PKD1L1: variants seen among roughly 807,000 people sequenced by gnomAD.
The protein encoded by PKD1L1 is polycystin 1 like 1, transient receptor potential channel interacting.
A neutral mutation model predicts 323.4 loss-of-function variants in PKD1L1; 236 were observed. That is an observed-to-expected ratio of 0.73 (90% CI 0.66 to 0.81). PKD1L1 has a LOEUF of 0.81. Among genes scored for constraint, PKD1L1 ranks in the 40% least tolerant of loss-of-function variants. The pLI, the probability that PKD1L1 is intolerant of heterozygous loss-of-function variation, is 0.00. For synonymous variants in PKD1L1, 1,344 were observed against 1,335.0 expected (o/e 1.01, Z -0.15); for missense variants, 3,320 against 3,508.0 (o/e 0.95, Z 1.35).
rs10951934 is a variant in PKD1L1, at chr7:47,877,897, T to C, written c.3521-266A>G. 0.2 allele frequency among the ~76,000 whole-genome samples: 29,627 copies of C among 151,892 alleles called. 3,111 individuals carry two copies. The highest frequency in any genetic ancestry group is 0.25 in the African/African-American group (10,178 of 41,380). ...TCTGGGGTTTGAGAACCACTGCCTA[T>C]ATGTTCATTAATATAACAAACACTC... On this transcript the variant is annotated intron_variant, in intron 21 of 56. Transcript: ENST00000289672.
intron 20 of PKD1L1, 61 bp downstream of exon 20, chr7:47,881,848 G>A (rs928324224): frequency 2.1e-6 from 3 of 1,459,142 alleles, no homozygotes; most frequent in African/African-American, 1.4e-5. Context: ...GAAATTGAGG[G>A]CTGATATCTA....
intron 31 of PKD1L1, among the ~76,000 whole-genome samples, chr7:47,848,731 G>C (rs1466148036): frequency 6.6e-6 from 1 of 152,210 alleles, no homozygotes; most frequent in Admixed American, 6.5e-5. Context: ...CTTGAACCCA[G>C]GAGGTGAAGG....
intron 20 of PKD1L1, among the ~76,000 whole-genome samples, chr7:47,881,464 C>A (rs1453209077): frequency 1.3e-5 from 2 of 152,180 alleles, no homozygotes; most frequent in African/African-American, 4.8e-5. Context: ...GGCACAATCA[C>A]ATGTATTAAC....
chr7:47,863,572 T>TC (rs1055148767), intron 26 of PKD1L1, among the ~76,000 whole-genome samples: 49 of 151,860 alleles, frequency 3.2e-4, no homozygotes, highest in South Asian at 1.0e-3. Flanking sequence ...GAAGAGCGTG[T>TC]CCCCCAAAGC....
chr7:47,839,671 A>C lies in PKD1L1; in HGVS notation c.5553-9T>G, dbSNP rs958776647. ...CCAGTTGGGCAGGAGCGCTGGAGGC[A>C]CACACAGCAGCATCTCAGCCGGGTG... On this transcript the variant is annotated splice_polypyrimidine_tract_variant and intron_variant, in intron 35 of 56. Coordinates refer to ENST00000289672, the MANE Select transcript of PKD1L1 (RefSeq NM_138295.5). The surrounding 1 kb of genome is among the most constrained non-coding windows in gnomAD (Gnocchi z 4.3). The C allele has an allele frequency of 1.9e-6, 3 of 1,559,112 alleles. No homozygotes were observed. The highest frequency in any genetic ancestry group is 2.6e-6 in the Non-Finnish European group (3 of 1,151,034).
intron 55 of PKD1L1, 44 bp from the exon 56 acceptor site, chr7:47,792,841 C>T: frequency 6.5e-7 from 1 of 1,528,044 alleles, no homozygotes. Flanking sequence ...TCAAGAATCT[C>T]ATTATCCCCC....
chr7:47,898,333 G>C, intron 13 of PKD1L1, 139 bp from the exon 14 acceptor site: 1 of 670,882 alleles, frequency 1.5e-6, no homozygotes, highest in Non-Finnish European at 2.5e-6. Context: ...CTTAGGTCTG[G>C]GCTTTAGACA....
chr7:47,911,805 G>T (rs765293273), intron 8 of PKD1L1, among the ~76,000 whole-genome samples: 3 of 151,828 alleles, frequency 2.0e-5, no homozygotes, highest in Admixed American at 2.0e-4. Flanking sequence ...TTGCCAAAGG[G>T]CTCAGTGGCT....
chr7:47,803,557 C>G lies in PKD1L1; in HGVS notation c.7828-213G>C, dbSNP rs144907917. On this transcript the variant is annotated intron_variant, in intron 52 of 56. Coordinates refer to ENST00000289672, the MANE Select transcript of PKD1L1 (RefSeq NM_138295.5). Reference sequence around the variant, plus strand: ...CAAATCGTAACGCATTTTGAGAAGACCTGCTCTGAATTCTGGCCTGGCCAT... The same window carrying G: ...CAAATCGTAACGCATTTTGAGAAGAGCTGCTCTGAATTCTGGCCTGGCCAT... Among the ~76,000 whole-genome samples, 935 of 152,250 alleles carry G rather than the reference C, an allele frequency of 6.1e-3. 7 individuals are homozygous for G. Among genetic ancestry groups the G allele is most frequent in the Non-Finnish European group, 0.011 (751 of 68,026 alleles).
At chr7:47,945,339 C>A (rs1788072931) in intron 1 of PKD1L1, among the ~76,000 whole-genome samples, 1 of 152,196 alleles carries the variant, frequency 6.6e-6, no homozygotes, top group Non-Finnish European at 1.5e-5. Context: ...AAAGATAAAA[C>A]TGGATAGTTT....
At chr7:47,862,125 G>T (rs986625528) in intron 26 of PKD1L1, among the ~76,000 whole-genome samples, 3 of 150,928 alleles carry the variant, frequency 2.0e-5, no homozygotes, top group African/African-American at 7.3e-5. Flanking sequence ...AACCCGGAAG[G>T]CAGAGGTTTC....
intron 26 of PKD1L1, among the ~76,000 whole-genome samples, chr7:47,859,627 A>ATTTTTT (rs34815905): frequency 8.1e-6 from 1 of 123,636 alleles, no homozygotes; most frequent in Non-Finnish European, 1.7e-5. Flanking sequence ...AAAGACATAC[A>ATTTTTT]TTTTTTTTTT....
At chr7:47,866,756 T>C (rs1214830830) in intron 24 of PKD1L1, 142 bp from the exon 25 acceptor site, 2 of 640,382 alleles carry the variant, frequency 3.1e-6, no homozygotes. Flanking sequence ...CAAAGGAGAA[T>C]TGGTCTGTGC....
chr7:47,883,848 C>A (rs911452812), intron 19 of PKD1L1, among the ~76,000 whole-genome samples: 7 of 152,224 alleles, frequency 4.6e-5, no homozygotes, highest in African/African-American at 1.7e-4. Context: ...TTTACCTACT[C>A]ATTTGACAGA....
At chr7:47,949,387 A>AAAAAAAAAAAAAAAAT, upstream of PKD1L1, among the ~76,000 whole-genome samples, 1 of 143,194 alleles carries the variant, frequency 7.0e-6, no homozygotes, top group Non-Finnish European at 1.5e-5. Flanking sequence ...AAAAAAAAAA[A>AAAAAAAAAAAAAAAAT]AAAAGCTGTA....
intron 2 of PKD1L1, among the ~76,000 whole-genome samples, chr7:47,941,804 A>T (rs1384560975): frequency 1.3e-5 from 2 of 152,090 alleles, no homozygotes; most frequent in African/African-American, 4.8e-5. Flanking sequence ...AATTATCTGG[A>T]AAAAAAAGTG....
chr7:47,878,618 G>C (rs1301038370), intron 21 of PKD1L1, among the ~76,000 whole-genome samples: 1 of 152,184 alleles, frequency 6.6e-6, no homozygotes, highest in Non-Finnish European at 1.5e-5. Context: ...AATCCTGCCT[G>C]GCTGACCAGG....
At position 47,890,558 on chromosome 7, in the gene PKD1L1, G is replaced by C; in HGVS notation, c.2659C>G (p.Pro887Ala). Reference sequence around the variant, plus strand: ...GTCAGGTACCTGAACGCCGAGTCAGGGTAGGGGGACAGGAACACCCGGGTC... The same window carrying C: ...GTCAGGTACCTGAACGCCGAGTCAGCGTAGGGGGACAGGAACACCCGGGTC... ...SETRVFLSPYPDSAFRFVHIS... is the reference protein window; with the variant it reads ...SETRVFLSPYADSAFRFVHIS... Residue 887 changes from proline (P) to alanine (A), a missense_variant, in exon 16 of 57, where the codon CCT becomes GCT. Coordinates refer to ENST00000289672, the MANE Select transcript of PKD1L1 (RefSeq NM_138295.5). 1 of 1,614,092 alleles carries C rather than the reference G, an allele frequency of 6.2e-7. No individual in the cohort carries two copies. The highest frequency in any genetic ancestry group is 8.5e-7 in the Non-Finnish European group (1 of 1,180,034).
chr7:47,942,258 C>G (rs1788002704), intron 2 of PKD1L1, among the ~76,000 whole-genome samples: 2 of 152,182 alleles, frequency 1.3e-5, no homozygotes, highest in South Asian at 4.1e-4. Context: ...GCTTTCTTCC[C>G]TGGCAATCCT....
Sources: allele counts gnomAD v4.1 joint callset (sites outside exome capture counted in the v4.1 genomes callset), GRCh38; gene constraint gnomAD v4.1.1; non-coding constraint Gnocchi (gnomAD v3.1); transcripts MANE v1.5; gene names NCBI Gene and HGNC (gene_info 2026-07-23, HGNC 2026-07-21).